The following SP140L variants were observed in gnomAD, a reference collection of about 807,000 sequenced individuals.
SP140L encodes the protein SP140 like nuclear body protein.
Under a neutral mutation model 84.3 loss-of-function variants are expected in SP140L, and 64 were observed. The observed-to-expected ratio is 0.76, with a 90% CI of 0.62 to 0.94. SP140L has a LOEUF of 0.94. Among genes scored for constraint, SP140L ranks in the 40% least tolerant of loss-of-function variants. SP140L has a pLI of 0.00. For missense variants in SP140L, 628 were observed against 692.5 expected, an observed-to-expected ratio of 0.91 and a Z score of 1.05; for synonymous variants, 242 against 236.9, an observed-to-expected ratio of 1.02 and a Z score of -0.20.
intron 5 of SP140L, among the ~76,000 whole-genome samples, chr2:230,367,631 T>A (rs2060929211): frequency 6.6e-6 from 1 of 152,226 alleles, no homozygotes; most frequent in Admixed American, 6.5e-5. Flanking sequence ...TACATCTTTT[T>A]ATATTGTGTG....
chr2:230,380,611 G>A (rs1221943118), intron 7 of SP140L, among the ~76,000 whole-genome samples: 1 of 152,134 alleles, frequency 6.6e-6, no homozygotes, highest in Non-Finnish European at 1.5e-5. Flanking sequence ...ACCCTGGAAA[G>A]GTTCCTTATA....
intron 2 of SP140L, among the ~76,000 whole-genome samples, chr2:230,352,239 A>T (rs1458061280): frequency 6.6e-6 from 1 of 151,878 alleles, no homozygotes; most frequent in Non-Finnish European, 1.5e-5. Flanking sequence ...TTTTATTCAT[A>T]CTCCTTGGTG....
At chr2:230,357,426 A>G (rs1054110927) in intron 2 of SP140L, among the ~76,000 whole-genome samples, 4 of 152,090 alleles carry the variant, frequency 2.6e-5, no homozygotes, top group African/African-American at 9.7e-5. Context: ...TCAAGGTTAG[A>G]TTTTTATTTA....
At chr2:230,394,853 CATG>C (rs921563331) in intron 13 of SP140L, among the ~76,000 whole-genome samples, 1 of 152,218 alleles carries the variant, frequency 6.6e-6, no homozygotes, top group South Asian at 2.1e-4. Flanking sequence ...ATCAGTGCCA[CATG>C]ATAATGTCTC....
intron 2 of SP140L, among the ~76,000 whole-genome samples, chr2:230,331,958 C>A (rs999401557): frequency 2.4e-4 from 37 of 151,664 alleles, no homozygotes; most frequent in African/African-American, 7.7e-4. Context: ...TTTTTTCCTT[C>A]TTTTTCCCTT....
At chr2:230,400,716 A>T (rs894794529) in intron 15 of SP140L, 19 of 869,820 alleles carry the variant, frequency 2.2e-5, no homozygotes, top group Non-Finnish European at 3.2e-5. Flanking sequence ...GGGAAAGGAT[A>T]GTCCCCACTC....
intron 2 of SP140L, among the ~76,000 whole-genome samples, chr2:230,337,792 A>G (rs1344739978): frequency 2.6e-5 from 4 of 152,080 alleles, no homozygotes; most frequent in Non-Finnish European, 5.9e-5. Context: ...TTTGTCAAAG[A>G]TCAGATAGTT....
intron 2 of SP140L, among the ~76,000 whole-genome samples, chr2:230,348,692 C>T (rs1041135795): frequency 6.6e-5 from 10 of 152,190 alleles, no homozygotes; most frequent in African/African-American, 2.4e-4. Flanking sequence ...TAACAGTATA[C>T]TTGAAACACA....
rs1389810421 is a variant in SP140L at position 230,359,793 on chromosome 2, A to T, written c.439+661A>T. Among the ~76,000 whole-genome samples the T allele has an allele frequency of 1.3e-5, 2 of 152,170 alleles. 1 individual carries two copies. Among genetic ancestry groups the T allele is most frequent in the Non-Finnish European group, 2.9e-5 (2 of 68,030 alleles). On this transcript the variant is annotated intron_variant, in intron 4 of 18. Coordinates refer to ENST00000415673, the MANE Select transcript of SP140L (RefSeq NM_138402.6). The stretch of plus-strand genomic sequence containing the variant: ...AGGTTTCTAGAATAATGAACAAGAA[A>T]ATTAACCCTGGGTCAAGTTTGCCTT...
At chr2:230,381,350 C>G (rs989759825) in intron 7 of SP140L, among the ~76,000 whole-genome samples, 7 of 152,146 alleles carry the variant, frequency 4.6e-5, no homozygotes, top group African/African-American at 1.7e-4. Context: ...GCTACATGAT[C>G]TCTAGCTTCC....
rs368190688 is a variant in SP140L at position 230,327,204 on chromosome 2, A to T, written c.-66A>T. On this transcript the variant is annotated 5_prime_UTR_variant, in exon 1 of 19. Coordinates refer to ENST00000415673, the MANE Select transcript of SP140L (RefSeq NM_138402.6). ...GGGTCAGGGCAGCCACACTGCACGC[A>T]GGCTGGGCCGACTGGGGAGCTCATA... is the stretch of plus-strand genomic sequence containing the variant. The T allele has an allele frequency of 1.6e-4, 255 of 1,552,248 alleles. No individual in the cohort carries two copies. The highest frequency in any genetic ancestry group is 2.1e-4 in the Non-Finnish European group (243 of 1,141,980).
In SP140L at chr2:230,400,964, G is replaced by A; in HGVS notation, c.1323G>A (p.Trp441Ter). The A allele has an allele frequency of 6.5e-7, 1 of 1,530,636 alleles. No individual in the cohort carries two copies. The allele number at this position is 1,530,636 out of a possible 1,614,324, so 94.8% of individuals were successfully genotyped here. The change falls in exon 16 of 19, where the codon TGG becomes TGA. Residue 441 changes from tryptophan (W) to a stop codon, truncating the protein, a stop_gained. Transcript: ENST00000415673. LOFTEE classifies it high-confidence loss of function. ...ATGTCCAATCTCTCAGGACCCCGTG[G>A]AATTGCATCTTCTGCAGGATGAAGG... ...IPPVESEKTP[W>*]NCIFCRMKES... is the part of the protein sequence containing the mutation.
intron 13 of SP140L, 29 bp from the exon 14 acceptor site, chr2:230,396,728 A>G (rs759637900): frequency 3.1e-6 from 5 of 1,612,058 alleles, no homozygotes; most frequent in Non-Finnish European, 4.2e-6. Context: ...ATTCAATATC[A>G]TAAATCAATC....
chr2:230,352,150 T>G (rs2060384496), intron 2 of SP140L, among the ~76,000 whole-genome samples: 1 of 152,188 alleles, frequency 6.6e-6, no homozygotes, highest in Non-Finnish European at 1.5e-5. Flanking sequence ...TATATACATG[T>G]GTATTTGCTA....
intron 7 of SP140L, among the ~76,000 whole-genome samples, chr2:230,377,337 C>A (rs1483548047): frequency 1.3e-5 from 2 of 152,102 alleles, no homozygotes; most frequent in East Asian, 3.9e-4. Flanking sequence ...AAATGCTGAT[C>A]TGTTTACATC....
At chr2:230,376,362 C>CA (rs962842078) in intron 7 of SP140L, among the ~76,000 whole-genome samples, 116 of 152,106 alleles carry the variant, frequency 7.6e-4, no homozygotes, top group African/African-American at 2.7e-3. Context: ...TAGACTCCAC[C>CA]AAAAAACTGT....
chr2:230,358,936 G>C (rs1251253804), intron 3 of SP140L, 28 bp from the exon 4 acceptor site: 1 of 1,537,944 alleles, frequency 6.5e-7, no homozygotes, highest in Non-Finnish European at 8.7e-7. Flanking sequence ...GTCTGTATTT[G>C]TATTTTCTCC....
intron 2 of SP140L, among the ~76,000 whole-genome samples, chr2:230,337,204 T>A (rs2059905333): frequency 6.6e-6 from 1 of 152,028 alleles, no homozygotes; most frequent in African/African-American, 2.4e-5. Context: ...TGTGAGATGG[T>A]ATCTCATTGT....
At chr2:230,391,750 A>G (rs1189359529) in intron 11 of SP140L, 1 of 234,166 alleles carries the variant, frequency 4.3e-6, no homozygotes, top group Non-Finnish European at 8.6e-6. Context: ...CTCTACTCCC[A>G]GAATTCAACA....
Sources: allele counts gnomAD v4.1 joint callset (sites outside exome capture counted in the v4.1 genomes callset), GRCh38; gene constraint gnomAD v4.1.1; transcripts MANE v1.5; gene names NCBI Gene and HGNC (gene_info 2026-07-23, HGNC 2026-07-21).